IL2RB: variants seen among roughly 807,000 people sequenced by gnomAD.
IL2RB encodes interleukin 2 receptor subunit beta, also known as interleukin-2 receptor subunit beta.
A neutral mutation model predicts 44.2 loss-of-function variants in IL2RB; 17 were observed. The observed-to-expected ratio is 0.38, with a 90% CI of 0.26 to 0.58. IL2RB has a LOEUF of 0.58. IL2RB is among the 20% of genes least tolerant of loss of function. The pLI, the probability that IL2RB is intolerant of heterozygous loss-of-function variation, is 0.63. For missense variants in IL2RB, 624 were observed against 685.5 expected (o/e 0.91, Z 1.00); for synonymous variants, 286 against 297.9 (o/e 0.96, Z 0.41).
At chr22:37,146,490 C>T (rs914774018) in intron 1 of IL2RB, among the ~76,000 whole-genome samples, 2 of 152,216 alleles carry the variant, frequency 1.3e-5, no homozygotes, top group African/African-American at 2.4e-5. Context: ...ACCAGGAAAC[C>T]GACACTCACC....
At chr22:37,139,016 A>G in intron 5 of IL2RB, 101 bp downstream of exon 5, 2 of 754,668 alleles carry the variant, frequency 2.7e-6, no homozygotes, top group South Asian at 1.6e-5. Flanking sequence ...TGGGTGTGGA[A>G]GCTGCCGGGG....
rs551838360 is a variant in IL2RB, at chr22:37,131,579, C to A, written c.903+805G>T. 2.6e-5 allele frequency among the ~76,000 whole-genome samples: 4 copies of A among 152,276 alleles called. No individual in the cohort carries two copies. In the South Asian group the frequency reaches 8.3e-4, roughly 32 times the overall value. On this transcript the variant is annotated intron_variant, in intron 9 of 9. Transcript: ENST00000216223. ...TTTGTGACTCAAAGTGACGGGAAGA[C>A]TTGTTAGTATCCACGCTAAGTTATG...
rs199581476 is a variant in IL2RB, at chr22:37,128,393, C to A, written c.1359G>T (p.Glu453Asp). 4 of 1,512,442 alleles carry A rather than the reference C, an allele frequency of 2.6e-6. No homozygotes were observed. In the African/African-American group the frequency reaches 4.2e-5, roughly 16 times the overall value. The allele number at this position is 1,512,442 out of a possible 1,614,324, so 93.7% of individuals were successfully genotyped here. The change falls in exon 10 of 10, where the codon GAG (glutamate) becomes GAT (aspartate). Residue 453 changes from glutamate to aspartate, a missense_variant. Physicochemically the swap from Glu to Asp is conservative, Grantham distance 45. Transcript: ENST00000216223. The surrounding 1 kb of genome is among the most constrained non-coding windows in gnomAD (Gnocchi z 4.5). ...TAPGGSGAGE[E>D]RMPPSLQERV... ...TTTCTTGCAAAGAAGGGGGCATCCT[C>A]TCTTCACCGGCCCCACTGCCCCCAG...
At chr22:37,167,405 C>T (rs1923121671) in intron 1 of IL2RB, among the ~76,000 whole-genome samples, 1 of 152,214 alleles carries the variant, frequency 6.6e-6, no homozygotes, top group Admixed American at 6.5e-5. Flanking sequence ...CAGCGACTGC[C>T]CTTGTAAAGT....
chr22:37,164,331 AG>A lies in IL2RB; in HGVS notation c.-34+10626del, dbSNP rs1029590243. On this transcript the variant is annotated intron_variant, in intron 1 of 5. Coordinates refer to the IL2RB transcript ENST00000429622. Reference sequence around the variant, plus strand: ...GTCAGAGGAGGGGAGCAGAGTGAGGAGGGGGCACGGGGGTGCTTTGATCGGG... The same window carrying A: ...GTCAGAGGAGGGGAGCAGAGTGAGGAGGGGCACGGGGGTGCTTTGATCGGG... Among the ~76,000 whole-genome samples the A allele has an allele frequency of 2.0e-3, 303 of 151,990 alleles. 1 individual carries two copies. The highest frequency in any genetic ancestry group is 3.6e-3 in the Non-Finnish European group (243 of 67,936).
At chr22:37,155,777 C>G (rs1411235100) in intron 1 of IL2RB, among the ~76,000 whole-genome samples, 2 of 151,838 alleles carry the variant, frequency 1.3e-5, no homozygotes, top group Non-Finnish European at 2.9e-5. Context: ...ACGAGCTCCA[C>G]GCCTTGCTCC....
At chr22:37,134,841 G>A (rs913513511) in intron 8 of IL2RB, among the ~76,000 whole-genome samples, 8 of 152,320 alleles carry the variant, frequency 5.3e-5, no homozygotes, top group Admixed American at 2.0e-4. Flanking sequence ...GCATGCATGC[G>A]GCCTGCCACT....
chr22:37,139,374 T>C (rs1921857819), intron 4 of IL2RB, 152 bp from the exon 5 acceptor site: 2 of 609,850 alleles, frequency 3.3e-6, no homozygotes, highest in South Asian at 2.0e-5. Flanking sequence ...AAAGGCCACA[T>C]AGTAACTATT....
intron 1 of IL2RB, among the ~76,000 whole-genome samples, chr22:37,160,345 G>C (rs1377427572): frequency 1.3e-5 from 2 of 152,196 alleles, no homozygotes; most frequent in East Asian, 3.8e-4. Flanking sequence ...AGGAGAAGGT[G>C]GGGGCTAACA....
At chr22:37,155,221 G>A (rs1161032865) in intron 1 of IL2RB, among the ~76,000 whole-genome samples, 1 of 152,104 alleles carries the variant, frequency 6.6e-6, no homozygotes, top group Non-Finnish European at 1.5e-5. Flanking sequence ...GCCCTGCTCA[G>A]AGCCGTGTCA....
chr22:37,143,950 G>T, intron 2 of IL2RB, 135 bp downstream of exon 2: 1 of 1,126,484 alleles, frequency 8.9e-7, no homozygotes. Context: ...CCAGGGCAGG[G>T]GTCCAGGACA....
chr22:37,158,492 A>C (rs564446790), intron 1 of IL2RB, among the ~76,000 whole-genome samples: 1 of 152,244 alleles, frequency 6.6e-6, no homozygotes, highest in East Asian at 1.9e-4. Flanking sequence ...CGGGAGGCAG[A>C]GGTTGCAGTG....
rs978026078 is a variant in IL2RB, at chr22:37,126,589, G to A, written c.*1507C>T. The A allele has an allele frequency of 6.6e-6, 1 of 152,234 alleles. No individual in the cohort carries two copies. Among genetic ancestry groups the A allele is most frequent in the African/African-American group, 2.4e-5 (1 of 41,456 alleles). The allele number at this position is 152,234 out of a possible 1,614,324, so 9.4% of individuals were successfully genotyped here. A position where few individuals can be genotyped will look rare whatever the true frequency, so the allele number is the denominator to read the frequency against. On this transcript the variant is annotated 3_prime_UTR_variant, in exon 10 of 10. Coordinates refer to ENST00000216223, the MANE Select transcript of IL2RB (RefSeq NM_000878.5). The stretch of plus-strand genomic sequence containing the variant: ...GAGCTTGGTGCCAAACCCCCTCATA[G>A]GCTGCTGGTCAGAGCCTGTGGGGGC...
intron 6 of IL2RB, among the ~76,000 whole-genome samples, chr22:37,137,065 G>GCTGA (rs1234921245): frequency 6.6e-6 from 1 of 152,176 alleles, no homozygotes; most frequent in Admixed American, 6.5e-5. Flanking sequence ...CGCTACATCT[G>GCTGA]CTGACTGACT....
At position 37,144,320 on chromosome 22, in the gene IL2RB, C is replaced by A; in HGVS notation, c.-33-115G>T. 3.1e-6 allele frequency: 4 copies of A among 1,292,312 alleles called. No individual in the cohort carries two copies. The African/African-American group carries it at 6.0e-5, about 19-fold the overall frequency. 80.1% of individuals were successfully genotyped at this position (1,292,312 alleles called of 1,614,324 possible). A position where few individuals can be genotyped will look rare whatever the true frequency, so the allele number is the denominator to read the frequency against. ...GTGCATGGTCTGCACTCCTCGGTGCCAGCTCAGTCCAGCCCCAGGGCCTTT... is the reference window on the plus strand; with the variant it reads ...GTGCATGGTCTGCACTCCTCGGTGCAAGCTCAGTCCAGCCCCAGGGCCTTT... On this transcript the variant is annotated intron_variant, in intron 1 of 9. Coordinates refer to ENST00000216223, the MANE Select transcript of IL2RB (RefSeq NM_000878.5).
chr22:37,161,936 A>G (rs977361066), intron 1 of IL2RB: 1 of 152,114 alleles, frequency 6.6e-6, no homozygotes, highest in African/African-American at 2.4e-5. Context: ...GCAATTCTCC[A>G]AGCCTCTCCA....
chr22:37,164,289 T>C (rs1922989007), intron 1 of IL2RB, among the ~76,000 whole-genome samples: 1 of 151,998 alleles, frequency 6.6e-6, no homozygotes, highest in Non-Finnish European at 1.5e-5. Flanking sequence ...AGAAGAGACC[T>C]GGCCAGTGCA....
Position 37,137,732 on chromosome 22 carries a change from C to T in IL2RB, c.392G>A (p.Arg131His), listed in dbSNP as rs1160622087. ...TTGGAGGGAGATGGGGGCCATCAGG[C>T]GAACTGGAGACAACAGGGGGTAGGG... Reference protein sequence around the residue: ...IQDFKPFENLRLMAPISLQVV... With the variant: ...IQDFKPFENLHLMAPISLQVV... The change falls in exon 6 of 10, where the codon CGC (arginine) becomes CAC (histidine). Residue 131 changes from arginine to histidine, a missense_variant. Physicochemically the swap from Arg to His is conservative, Grantham distance 29 (BLOSUM62 0). This residue lies in a region of IL2RB where 255 missense variants were observed against 339.9 expected (regional missense o/e 0.75). Coordinates refer to ENST00000216223, the MANE Select transcript of IL2RB (RefSeq NM_000878.5). 2.5e-6 allele frequency: 4 copies of T among 1,613,712 alleles called. No homozygotes were observed. Among genetic ancestry groups the T allele is most frequent in the Non-Finnish European group, 2.5e-6 (3 of 1,179,736 alleles).
At chr22:37,149,473 C>G (rs1399213802) in intron 1 of IL2RB, among the ~76,000 whole-genome samples, 4 of 152,168 alleles carry the variant, frequency 2.6e-5, no homozygotes, top group Non-Finnish European at 5.9e-5. Flanking sequence ...TATCCCGTAC[C>G]CTCTCCGGGC....
Sources: gnomAD v4.1 joint callset for allele counts (sites outside exome capture counted in the v4.1 genomes callset) on GRCh38, gnomAD v4.1.1 for gene constraint, gnomAD v4.1.1 regional missense constraint, Gnocchi (gnomAD v3.1) non-coding constraint, MANE v1.5 for transcripts, NCBI Gene and HGNC (gene_info 2026-07-23, HGNC 2026-07-21) for gene names.